Variants in PCDHA8 observed in about 807,000 individuals in gnomAD.
PCDHA8 encodes protocadherin alpha-8.
PCDHA8 carries 53 observed loss-of-function variants against 61.8 expected under a neutral mutation model. That is an observed-to-expected ratio of 0.86 (90% CI 0.69 to 1.08). The LOEUF (loss-of-function observed/expected upper bound fraction) is 1.08, where lower values mean the gene tolerates loss of function less well. Ranked by LOEUF, PCDHA8 falls within the 50% of genes least tolerant of loss-of-function variation. The probability of loss-of-function intolerance (pLI) is 0.00; values close to 1 mark genes in which losing one functional copy is unlikely to be tolerated. For missense variants in PCDHA8, 1,293 were observed against 1,245.0 expected (o/e 1.04, Z -0.58); for synonymous variants, 618 against 556.6 (o/e 1.11, Z -1.55).
Position 140,916,518 on chromosome 5 carries a change from T to A in PCDHA8, c.2395-62431T>A, listed in dbSNP as rs187386381. Among the ~76,000 whole-genome samples the A allele has an allele frequency of 2.6e-5, 4 of 152,306 alleles. No homozygotes were observed. The East Asian group carries it at 7.7e-4, about 29-fold the overall frequency. ...AGCAGGTGATTAATCTTGCCAAGACTGGGTCCTTCCCACCAAGGCAATGGG... is the reference window on the plus strand; with the variant it reads ...AGCAGGTGATTAATCTTGCCAAGACAGGGTCCTTCCCACCAAGGCAATGGG... On this transcript the variant is annotated intron_variant, in intron 1 of 3. Coordinates refer to ENST00000531613, the MANE Select transcript of PCDHA8 (RefSeq NM_018911.3).
chr5:140,843,599 T>G lies in PCDHA8; in HGVS notation c.2278T>G (p.Ser760Ala). 6.3e-7 allele frequency: 1 copy of G among 1,595,978 alleles called. No individual in the cohort carries two copies. Among genetic ancestry groups the G allele is most frequent in the South Asian group, 1.1e-5 (1 of 90,496 alleles). Reference sequence around the variant, plus strand: ...GCAACAACAGCCGCAGAGGGTGTGCTCTGGTGAGGGGCCACCGAAGACGGA... The same window carrying G: ...GCAACAACAGCCGCAGAGGGTGTGCGCTGGTGAGGGGCCACCGAAGACGGA... ...YSQQQPQRVC[S>A]GEGPPKTDLM... Residue 760 changes from serine to alanine, a missense_variant, in exon 1 of 4, where the codon TCT becomes GCT. By Grantham distance (99) the Ser-to-Ala change is moderately conservative (BLOSUM62 1). Coordinates refer to ENST00000531613, the MANE Select transcript of PCDHA8 (RefSeq NM_018911.3).
At position 141,011,260 on chromosome 5, in the gene PCDHA8, C is replaced by T. The variant is rs2098420018; in HGVS notation, c.*1323C>T. On this transcript the variant is annotated 3_prime_UTR_variant, in exon 4 of 4. Coordinates refer to ENST00000531613, the MANE Select transcript of PCDHA8 (RefSeq NM_018911.3). ...TGACTTGTCTTGGTGTGCTAGCCTA[C>T]ACCTTCTCTTTGGTTTAGTTTTCCT... The T allele has an allele frequency of 6.5e-6, 1 of 153,766 alleles. No individual in the cohort carries two copies. The highest frequency in any genetic ancestry group is 6.5e-5 in the Admixed American group (1 of 15,278). 9.5% of individuals were successfully genotyped at this position (153,766 alleles called of 1,614,324 possible).
chr5:140,951,922 T>C (rs191831107), intron 1 of PCDHA8, among the ~76,000 whole-genome samples: 135 of 152,266 alleles, frequency 8.9e-4, no homozygotes, highest in Non-Finnish European at 1.0e-3. Flanking sequence ...AACAAGTTAG[T>C]TACTCCCAAG....
chr5:140,982,689 T>A, intron 3 of PCDHA8, 126 bp downstream of exon 3: 1 of 1,413,688 alleles, frequency 7.1e-7, no homozygotes, highest in Non-Finnish European at 9.3e-7. Context: ...CTTTTTTCCA[T>A]ACATACATGA....
rs535981750 is a variant in PCDHA8 at position 140,934,094 on chromosome 5, GCTTT to G, written c.2395-44852_2395-44849del. Among the ~76,000 whole-genome samples, 58 of 151,890 alleles carry G rather than the reference GCTTT, an allele frequency of 3.8e-4. 1 individual carries two copies. The highest frequency in any genetic ancestry group is 6.8e-3 in the Middle Eastern group (2 of 292). ...TTTGGGTTCGCTTTGTTGTATGTTT[GCTTT>G]CTATTTTATTAATTTTCATACTTTA... On this transcript the variant is annotated intron_variant, in intron 1 of 3. Transcript: ENST00000531613.
intron 3 of PCDHA8, among the ~76,000 whole-genome samples, chr5:141,001,942 TAAG>T (rs140166770): frequency 0.017 from 2,515 of 151,936 alleles, 63 homozygotes; most frequent in African/African-American, 0.058. Context: ...TGAGCGGAAA[TAAG>T]GAGGAGGGAG....
chr5:140,927,204 G>A, intron 1 of PCDHA8: 1 of 1,614,112 alleles, frequency 6.2e-7, no homozygotes, highest in Non-Finnish European at 8.5e-7. Context: ...TCGAGGACCC[G>A]CTGGAGCTGC....
chr5:140,887,456 A>G (rs1291884808), intron 1 of PCDHA8, among the ~76,000 whole-genome samples: 1 of 152,138 alleles, frequency 6.6e-6, no homozygotes, highest in Non-Finnish European at 1.5e-5. Flanking sequence ...CAGTTTTTTA[A>G]AAGATATAAT....
chr5:140,903,357 T>C (rs1554190932), intron 1 of PCDHA8, among the ~76,000 whole-genome samples: 1 of 152,166 alleles, frequency 6.6e-6, no homozygotes, highest in African/African-American at 2.4e-5. Flanking sequence ...AAACAAGTTT[T>C]TCAAAAATAT....
intron 1 of PCDHA8, chr5:140,871,206 C>T (rs781837610): frequency 2.5e-6 from 4 of 1,613,668 alleles, no homozygotes; most frequent in African/African-American, 1.3e-5. Flanking sequence ...ACCTGATCAT[C>T]GCCATCTGCG....
intron 2 of PCDHA8, among the ~76,000 whole-genome samples, chr5:140,981,575 A>G (rs2096938835): frequency 1.3e-5 from 2 of 152,152 alleles, no homozygotes; most frequent in African/African-American, 4.8e-5. Flanking sequence ...CTTTGTCTCA[A>G]AAATAAATAA....
At chr5:141,003,123 T>C (rs1387983867) in intron 3 of PCDHA8, among the ~76,000 whole-genome samples, 1 of 152,240 alleles carries the variant, frequency 6.6e-6, no homozygotes, top group Non-Finnish European at 1.5e-5. Flanking sequence ...GGCCCTTTCC[T>C]GGCATTTGCC....
intron 1 of PCDHA8, among the ~76,000 whole-genome samples, chr5:140,925,799 C>G (rs1200619545): frequency 6.6e-6 from 1 of 151,996 alleles, no homozygotes; most frequent in Non-Finnish European, 1.5e-5. Flanking sequence ...CAGTACTTTC[C>G]CCTCCACTTC....
chr5:140,897,722 T>A (rs1236534951), intron 1 of PCDHA8, among the ~76,000 whole-genome samples: 1 of 152,162 alleles, frequency 6.6e-6, no homozygotes, highest in African/African-American at 2.4e-5. Flanking sequence ...GATGGCTGGG[T>A]CAAATAGTAT....
At chr5:140,946,152 G>T (rs1279401608) in intron 1 of PCDHA8, among the ~76,000 whole-genome samples, 1 of 151,750 alleles carries the variant, frequency 6.6e-6, no homozygotes, top group Non-Finnish European at 1.5e-5. Flanking sequence ...CAAATAACAC[G>T]ATTTAAAAGA....
At position 140,841,894 on chromosome 5, in the gene PCDHA8, G is replaced by C; in HGVS notation, c.573G>C (p.Leu191=). 1 of 1,613,814 alleles carries C rather than the reference G, an allele frequency of 6.2e-7. No individual in the cohort carries two copies. ...DVNSKNDENK[L]VELVLRKSLD... ...ATTCAAAGAACGATGAGAATAAACT[G>C]GTTGAGCTCGTATTAAGAAAATCCT... Residue 191 remains leucine (L), a synonymous_variant, in exon 1 of 4, where the codon CTG becomes CTC. Coordinates refer to ENST00000531613, the MANE Select transcript of PCDHA8 (RefSeq NM_018911.3).
At chr5:140,910,408 G>A (rs1165160124) in intron 1 of PCDHA8, among the ~76,000 whole-genome samples, 2 of 152,106 alleles carry the variant, frequency 1.3e-5, no homozygotes, top group African/African-American at 2.4e-5. Flanking sequence ...CTGCCACCTC[G>A]AGATCCAATT....
chr5:140,841,277 C>T lies in PCDHA8; in HGVS notation c.-45C>T. Reference sequence around the variant, plus strand: ...AGACTCTGAAAGTACAGTCGTTCATCTTTATATTAAGATAATATTTTCTGA... The same window carrying T: ...AGACTCTGAAAGTACAGTCGTTCATTTTTATATTAAGATAATATTTTCTGA... On this transcript the variant is annotated 5_prime_UTR_variant, in exon 1 of 4. Coordinates refer to ENST00000531613, the MANE Select transcript of PCDHA8 (RefSeq NM_018911.3). 9 of 1,516,428 alleles carry T rather than the reference C, an allele frequency of 5.9e-6. 1 individual carries two copies. Among genetic ancestry groups the T allele is most frequent in the Non-Finnish European group, 8.0e-6 (9 of 1,128,112 alleles). The allele number at this position is 1,516,428 out of a possible 1,614,324, so 93.9% of individuals were successfully genotyped here. A position where few individuals can be genotyped will look rare whatever the true frequency, so the allele number is the denominator to read the frequency against.
intron 1 of PCDHA8, chr5:140,968,473 G>T (rs1389339011): frequency 6.2e-7 from 1 of 1,613,980 alleles, no homozygotes; most frequent in African/African-American, 1.3e-5. Context: ...ACGTATATGT[G>T]GTGGACATGA....
Sources: allele counts gnomAD v4.1 joint callset (sites outside exome capture counted in the v4.1 genomes callset), GRCh38; gene constraint gnomAD v4.1.1; transcripts MANE v1.5; gene names NCBI Gene and HGNC (gene_info 2026-07-23, HGNC 2026-07-21).